KIAA0825: variants seen among roughly 807,000 people sequenced by gnomAD.
KIAA0825 encodes the protein uncharacterized protein KIAA0825.
Under a neutral mutation model 147.6 loss-of-function variants are expected in KIAA0825, and 119 were observed. The observed-to-expected ratio is 0.81, with a 90% CI of 0.69 to 0.94. KIAA0825 has a LOEUF of 0.94. KIAA0825 is among the 40% of genes least tolerant of loss of function. The probability of loss-of-function intolerance (pLI) is 0.00; values close to 1 mark genes in which losing one functional copy is unlikely to be tolerated. For missense variants in KIAA0825, 1,381 were observed against 1,472.7 expected (o/e 0.94, Z 1.02); for synonymous variants, 470 against 518.1 (o/e 0.91, Z 1.26).
chr5:94,330,925 A>C (rs1450580034), intron 20 of KIAA0825, among the ~76,000 whole-genome samples: 1 of 152,050 alleles, frequency 6.6e-6, no homozygotes, highest in East Asian at 1.9e-4. Context: ...ACCTGAGCTC[A>C]GGAGTTCAAG....
intron 20 of KIAA0825, among the ~76,000 whole-genome samples, chr5:94,308,137 T>C (rs1381959903): frequency 6.6e-6 from 1 of 151,756 alleles, no homozygotes; most frequent in East Asian, 1.9e-4. Context: ...CACAGACATA[T>C]TCAGGTGTTA....
At chr5:94,275,781 A>G (rs1777200689) in intron 20 of KIAA0825, among the ~76,000 whole-genome samples, 1 of 152,112 alleles carries the variant, frequency 6.6e-6, no homozygotes, top group Non-Finnish European at 1.5e-5. Flanking sequence ...CAGTAGCATC[A>G]TTTACACAGC....
intron 20 of KIAA0825, among the ~76,000 whole-genome samples, chr5:94,252,221 C>T (rs1257202343): frequency 6.6e-6 from 1 of 151,920 alleles, no homozygotes; most frequent in Non-Finnish European, 1.5e-5. Flanking sequence ...AGTATGTTTA[C>T]ATAAAACAGC....
chr5:94,191,088 A>AT (rs1420175874), intron 20 of KIAA0825, among the ~76,000 whole-genome samples: 3 of 152,198 alleles, frequency 2.0e-5, no homozygotes, highest in Non-Finnish European at 4.4e-5. Flanking sequence ...ATTAAATTCC[A>AT]TTAAATGAAT....
intron 20 of KIAA0825, among the ~76,000 whole-genome samples, chr5:94,303,968 T>C (rs1778562036): frequency 1.3e-5 from 2 of 152,104 alleles, no homozygotes; most frequent in African/African-American, 2.4e-5. Flanking sequence ...TTTTGAATGA[T>C]AATCATTAAA....
intron 2 of KIAA0825, among the ~76,000 whole-genome samples, chr5:94,555,609 A>C (rs1384216293): frequency 1.3e-5 from 2 of 152,216 alleles, no homozygotes; most frequent in Non-Finnish European, 2.9e-5. Flanking sequence ...TAGCTTGACA[A>C]GCAAACAGAA....
intron 13 of KIAA0825, among the ~76,000 whole-genome samples, chr5:94,450,333 T>C (rs1758245163): frequency 6.7e-6 from 1 of 148,808 alleles, no homozygotes; most frequent in African/African-American, 2.5e-5. Context: ...TAATTGTTAA[T>C]TCCCTGCAAA....
Position 94,452,187 on chromosome 5 carries a change from T to C in KIAA0825, c.2357+772A>G, listed in dbSNP as rs373887664. On this transcript the variant is annotated intron_variant, in intron 13 of 20. Coordinates refer to ENST00000682413, the MANE Select transcript of KIAA0825 (RefSeq NM_001145678.3). ...TTACCCATATGGAAATAGGCACACA[T>C]TAGGCAAACAGTGTAAGTTTGTTTT... Among the ~76,000 whole-genome samples the C allele has an allele frequency of 9.8e-5, 15 of 152,298 alleles. No individual in the cohort carries two copies. The East Asian group carries it at 2.5e-3, about 25-fold the overall frequency.
chr5:94,362,435 T>A (rs1379198511), intron 20 of KIAA0825, among the ~76,000 whole-genome samples: 1 of 152,188 alleles, frequency 6.6e-6, no homozygotes, highest in Non-Finnish European at 1.5e-5. Flanking sequence ...CTCTAGCCAA[T>A]AACGTGGATG....
intron 1 of KIAA0825, among the ~76,000 whole-genome samples, chr5:94,601,430 A>G (rs1483803641): frequency 6.6e-6 from 1 of 152,198 alleles, no homozygotes; most frequent in Non-Finnish European, 1.5e-5. Flanking sequence ...AAGGTAGATA[A>G]AGCCCACAAA....
chr5:94,353,135 A>G (rs1783878786), intron 20 of KIAA0825, among the ~76,000 whole-genome samples: 1 of 152,228 alleles, frequency 6.6e-6, no homozygotes, highest in Non-Finnish European at 1.5e-5. Context: ...TAAAAGTTCA[A>G]AAGGACAATA....
chr5:94,547,581 C>T (rs1292722510), intron 2 of KIAA0825, among the ~76,000 whole-genome samples: 2 of 151,794 alleles, frequency 1.3e-5, no homozygotes, highest in African/African-American at 4.8e-5. Context: ...ACTAAAGATA[C>T]AAAAAATTGG....
At chr5:94,607,402 C>T (rs949904847) in intron 1 of KIAA0825, among the ~76,000 whole-genome samples, 4 of 152,122 alleles carry the variant, frequency 2.6e-5, no homozygotes, top group Non-Finnish European at 4.4e-5. Context: ...GTAGGTGGAT[C>T]ACCTGAGGTC....
chr5:94,157,770 T>G (rs1767171725), intron 20 of KIAA0825, among the ~76,000 whole-genome samples: 1 of 152,224 alleles, frequency 6.6e-6, no homozygotes, highest in African/African-American at 2.4e-5. Context: ...TGATCAGTTT[T>G]ATAGAATCTT....
At position 94,373,717 on chromosome 5, in the gene KIAA0825, G is replaced by A. The variant is rs190653171; in HGVS notation, c.3710+10651C>T. 2.8e-4 allele frequency among the ~76,000 whole-genome samples: 43 copies of A among 152,212 alleles called. 1 individual carries two copies. Among genetic ancestry groups the A allele is most frequent in the Middle Eastern group, 3.4e-3 (1 of 294 alleles). On this transcript the variant is annotated intron_variant, in intron 20 of 20. Coordinates refer to ENST00000682413, the MANE Select transcript of KIAA0825 (RefSeq NM_001145678.3). ...AACTACAATTCAAGATGAGATTTGG[G>A]TGGGGACACAGCCAAATCATGTCGA...
chr5:94,600,311 GA>G (rs1388893638), intron 1 of KIAA0825, among the ~76,000 whole-genome samples: 1 of 151,768 alleles, frequency 6.6e-6, no homozygotes, highest in African/African-American at 2.4e-5. Flanking sequence ...CATCAGTGGG[GA>G]TATTTCCTTA....
At chr5:94,195,029 A>G (rs1771006234) in intron 20 of KIAA0825, among the ~76,000 whole-genome samples, 1 of 152,222 alleles carries the variant, frequency 6.6e-6, no homozygotes, top group Admixed American at 6.5e-5. Context: ...TGCTGAGTTT[A>G]AGAGAGATGA....
chr5:94,427,698 C>T lies in KIAA0825; in HGVS notation c.2498-10333G>A, dbSNP rs1429783877. Among the ~76,000 whole-genome samples the T allele has an allele frequency of 3.9e-5, 6 of 151,976 alleles. No homozygotes were observed. In the East Asian group the frequency reaches 9.6e-4, roughly 24 times the overall value. ...AATGGTATAAGTATTTTTTTTCCAA[C>T]TTTTATTTTAATTTTCTGCCTTGAT... On this transcript the variant is annotated intron_variant, in intron 14 of 20. Coordinates refer to ENST00000682413, the MANE Select transcript of KIAA0825 (RefSeq NM_001145678.3).
At chr5:94,525,355 A>G (rs1037479730) in intron 3 of KIAA0825, among the ~76,000 whole-genome samples, 1 of 151,910 alleles carries the variant, frequency 6.6e-6, no homozygotes, top group Non-Finnish European at 1.5e-5. Context: ...AGTTTAAGTA[A>G]AAGTTTTCAG....
Sources: allele counts gnomAD v4.1 joint callset (sites outside exome capture counted in the v4.1 genomes callset), GRCh38; gene constraint gnomAD v4.1.1; transcripts MANE v1.5; gene names NCBI Gene and HGNC (gene_info 2026-07-23, HGNC 2026-07-21).